Variants in CDH23 observed in about 807,000 individuals in gnomAD.
CDH23 encodes the protein cadherin related 23.
CDH23 carries 189 observed loss-of-function variants against 317.1 expected under a neutral mutation model. That is an observed-to-expected ratio of 0.60 (90% CI 0.53 to 0.67). The LOEUF is 0.67. CDH23 is among the 30% of genes least tolerant of loss of function. The probability of loss-of-function intolerance (pLI) is 0.00; values close to 1 mark genes in which losing one functional copy is unlikely to be tolerated. For missense variants in CDH23, 4,401 were observed against 4,592.4 expected, an observed-to-expected ratio of 0.96 and a Z score of 1.20; for synonymous variants, 1,839 against 1,876.8, an observed-to-expected ratio of 0.98 and a Z score of 0.52.
intron 1 of CDH23, among the ~76,000 whole-genome samples, chr10:71,430,871 A>G (rs1339887473): frequency 6.6e-6 from 1 of 152,180 alleles, no homozygotes; most frequent in Non-Finnish European, 1.5e-5. Flanking sequence ...GGTCCCCCAT[A>G]TAGAAGGACA....
chr10:71,661,174 G>A (rs549091282), intron 14 of CDH23, among the ~76,000 whole-genome samples: 1 of 152,230 alleles, frequency 6.6e-6, no homozygotes, highest in South Asian at 2.1e-4. Context: ...ACTGCTCCCC[G>A]AGAGCCTGGC....
chr10:71,608,696 A>G (rs1373491730), intron 9 of CDH23, among the ~76,000 whole-genome samples: 3 of 152,228 alleles, frequency 2.0e-5, no homozygotes, highest in Non-Finnish European at 4.4e-5. Context: ...GTCTCCAGGC[A>G]TGAGAATTAA....
intron 6 of CDH23, among the ~76,000 whole-genome samples, chr10:71,557,668 G>T (rs1335882503): frequency 6.6e-6 from 1 of 152,170 alleles, no homozygotes; most frequent in African/African-American, 2.4e-5. Flanking sequence ...GCTGTGTATA[G>T]AATTCTGGAA....
intron 2 of CDH23, 63 bp from the exon 3 acceptor site, chr10:71,446,255 C>A: frequency 6.7e-7 from 1 of 1,500,134 alleles, no homozygotes; most frequent in Non-Finnish European, 9.3e-7. Context: ...CCTGTGTCAC[C>A]TTATAGAGTG....
chr10:71,725,617 G>A (rs1471129082), intron 30 of CDH23, 97 bp downstream of exon 30: 87 of 1,370,562 alleles, frequency 6.3e-5, no homozygotes, highest in Non-Finnish European at 8.2e-5. Context: ...GTGTGGGCAG[G>A]GCCACCACTG....
At chr10:71,777,039 C>T (rs548092146) in intron 38 of CDH23, among the ~76,000 whole-genome samples, 1 of 152,294 alleles carries the variant, frequency 6.6e-6, no homozygotes, top group Non-Finnish European at 1.5e-5. Context: ...CAGAGATGGC[C>T]GATCACAGGA....
intron 9 of CDH23, among the ~76,000 whole-genome samples, chr10:71,591,272 G>C (rs1859475882): frequency 6.6e-6 from 1 of 152,302 alleles, no homozygotes; most frequent in African/African-American, 2.4e-5. Context: ...GATTTTAAGT[G>C]GTGCATGGAT....
intron 29 of CDH23, 39 bp downstream of exon 29, chr10:71,724,144 G>T: frequency 6.5e-7 from 1 of 1,548,124 alleles, no homozygotes; most frequent in African/African-American, 1.4e-5. Flanking sequence ...CGGTCCTCCT[G>T]CCCAGGGGAG....
Position 71,667,348 on chromosome 10 carries a change from A to AAGAGAGAGAGAG in CDH23, c.1450-7763_1450-7752dup, listed in dbSNP as rs71480588. On this transcript the variant is annotated intron_variant, in intron 14 of 69. Transcript: ENST00000224721. ...GTAGGGGTGCTGCTTGAGGCAGAGAAAGAGAGAGAGAGTGTGTGTGTGTGT... is the reference window on the plus strand; with the variant it reads ...GTAGGGGTGCTGCTTGAGGCAGAGAAAGAGAGAGAGAGAGAGAGAGAGAGTGTGTGTGTGTGT... 1.8e-3 allele frequency among the ~76,000 whole-genome samples: 217 copies of AAGAGAGAGAGAG among 122,392 alleles called. 1 individual carries two copies. The highest frequency in any genetic ancestry group is 0.015 in the East Asian group (58 of 3,790). The allele number at this position is 122,392 out of a possible 152,430, so 80.3% of individuals were successfully genotyped here.
intron 1 of CDH23, among the ~76,000 whole-genome samples, chr10:71,406,202 T>A (rs1462123796): frequency 6.6e-6 from 1 of 152,128 alleles, no homozygotes; most frequent in Non-Finnish European, 1.5e-5. Context: ...AATTCATCTT[T>A]CTGTTGCTTT....
chr10:71,531,277 C>A (rs1404929182), intron 6 of CDH23, among the ~76,000 whole-genome samples: 1 of 152,148 alleles, frequency 6.6e-6, no homozygotes, highest in East Asian at 1.9e-4. Flanking sequence ...GCCAAGACTC[C>A]CCCAGCTGCG....
Position 71,785,024 on chromosome 10 carries a change from A to G in CDH23, c.5636A>G (p.Asp1879Gly). The G allele has an allele frequency of 6.2e-7, 1 of 1,614,092 alleles. No individual in the cohort carries two copies. The highest frequency in any genetic ancestry group is 1.1e-5 in the South Asian group (1 of 91,092). Residue 1879 changes from aspartate (D) to glycine (G), a missense_variant, in exon 43 of 70, where the codon GAC (aspartate) becomes GGC (glycine). Asp to Gly is a moderately conservative substitution (Grantham distance 94, BLOSUM62 -1). This residue lies in a region of CDH23 where 3,068 missense variants were observed against 3,203.3 expected (regional missense o/e 0.96). Coordinates refer to ENST00000224721, the MANE Select transcript of CDH23 (RefSeq NM_022124.6). ...FVAHVLASDA[D>G]SGCNARLTFN... is the part of the protein sequence containing the mutation. ...GCCCATGTCCTGGCCAGTGACGCTGACAGTGGCTGCAATGCACGCCTCACC... is the reference window on the plus strand; with the variant it reads ...GCCCATGTCCTGGCCAGTGACGCTGGCAGTGGCTGCAATGCACGCCTCACC...
intron 60 of CDH23, 133 bp downstream of exon 60, chr10:71,808,140 C>A: frequency 9.5e-7 from 1 of 1,051,634 alleles, no homozygotes; most frequent in Admixed American, 2.2e-5. Flanking sequence ...CCACACCAAT[C>A]CTATTCATCC....
At chr10:71,784,857 C>G in intron 42 of CDH23, 34 bp from the exon 43 acceptor site, 1 of 1,578,146 alleles carries the variant, frequency 6.3e-7, no homozygotes. Flanking sequence ...TGTCGCTCTT[C>G]CTCCCCTCCC....
intron 6 of CDH23, among the ~76,000 whole-genome samples, chr10:71,522,221 T>C (rs560309241): frequency 6.6e-5 from 10 of 152,210 alleles, no homozygotes; most frequent in African/African-American, 2.2e-4. Context: ...TTATGAGTGA[T>C]TGCAAAGTGA....
chr10:71,720,484 C>G (rs1388459576), intron 28 of CDH23, among the ~76,000 whole-genome samples: 1 of 152,000 alleles, frequency 6.6e-6, no homozygotes, highest in Non-Finnish European at 1.5e-5. Flanking sequence ...CCCCAGAAGC[C>G]AGAGCTTCCC....
chr10:71,537,358 G>T (rs1855758077), intron 6 of CDH23, among the ~76,000 whole-genome samples: 1 of 152,226 alleles, frequency 6.6e-6, no homozygotes, highest in Non-Finnish European at 1.5e-5. Flanking sequence ...ATCTGACACG[G>T]TGGGGAGGGG....
rs145489303 is a variant in CDH23, at chr10:71,706,190, G to T, written c.2954-707G>T. Among the ~76,000 whole-genome samples the T allele has an allele frequency of 3.0e-3, 462 of 152,276 alleles. 1 individual carries two copies. Among genetic ancestry groups the T allele is most frequent in the African/African-American group, 0.011 (440 of 41,542 alleles). ...ACCCAAGTGGGGTGGGGATCACTTC[G>T]CTATGAAGGTTGTCCAAGCCCCATC... On this transcript the variant is annotated intron_variant, in intron 25 of 69. Transcript: ENST00000224721.
At chr10:71,673,340 A>T (rs1406061395) in intron 14 of CDH23, among the ~76,000 whole-genome samples, 1 of 152,220 alleles carries the variant, frequency 6.6e-6, no homozygotes, top group East Asian at 1.9e-4. Context: ...ACCCCTCGCC[A>T]AGGGGTTCAA....
Sources: gnomAD v4.1 joint callset for allele counts (sites outside exome capture counted in the v4.1 genomes callset) on GRCh38, gnomAD v4.1.1 for gene constraint, gnomAD v4.1.1 regional missense constraint, MANE v1.5 for transcripts, NCBI Gene and HGNC (gene_info 2026-07-23, HGNC 2026-07-21) for gene names.